Variants in VPS53 observed in about 807,000 individuals in gnomAD.
The protein encoded by VPS53 is vacuolar protein sorting-associated protein 53 homolog.
VPS53 carries 70 observed loss-of-function variants against 107.0 expected under a neutral mutation model. That is an observed-to-expected ratio of 0.65 (90% CI 0.54 to 0.80). The LOEUF (loss-of-function observed/expected upper bound fraction) is 0.80, where lower values mean the gene tolerates loss of function less well. Among genes scored for constraint, VPS53 ranks in the 30% least tolerant of loss-of-function variants. The pLI is 0.00. For missense variants in VPS53, 917 were observed against 1,049.4 expected (o/e 0.87, Z 1.74); for synonymous variants, 409 against 393.3 (o/e 1.04, Z -0.47).
chr17:602,492 C>A (rs1293421225), intron 11 of VPS53, among the ~76,000 whole-genome samples: 1 of 152,216 alleles, frequency 6.6e-6, no homozygotes, highest in Non-Finnish European at 1.5e-5. Flanking sequence ...ACAACAACCA[C>A]AACAGAAATC....
intron 2 of VPS53, among the ~76,000 whole-genome samples, chr17:703,864 G>A (rs1281528309): frequency 4.6e-5 from 7 of 150,812 alleles, no homozygotes; most frequent in African/African-American, 1.7e-4. Flanking sequence ...GCAGTGGCAC[G>A]ATCTCAGCTG....
rs1907932641 is a variant in VPS53 at position 511,401 on chromosome 17, G to T, written c.*7727C>A. On this transcript the variant is annotated 3_prime_UTR_variant, in exon 22 of 22. Transcript: ENST00000437048. ...CTTGTTGAAAAATTACCCAAAACAG[G>T]AGGCAAGACAATTGTGCAAATTCCA... is the stretch of plus-strand genomic sequence containing the variant. The T allele has an allele frequency of 6.6e-6, 1 of 152,158 alleles. No homozygotes were observed. Among genetic ancestry groups the T allele is most frequent in the Non-Finnish European group, 1.5e-5 (1 of 68,040 alleles). The allele number at this position is 152,158 out of a possible 1,614,324, so 9.4% of individuals were successfully genotyped here.
intron 4 of VPS53, among the ~76,000 whole-genome samples, chr17:688,371 G>GT (rs1555582826): frequency 2.6e-5 from 4 of 152,118 alleles, no homozygotes; most frequent in South Asian, 2.1e-4. Flanking sequence ...CACCATGATT[G>GT]TAAGTTTCCT....
chr17:628,073 T>C lies in VPS53; in HGVS notation c.831+15A>G, dbSNP rs746332711. 1.7e-5 allele frequency: 28 copies of C among 1,603,148 alleles called. No individual in the cohort carries two copies. The highest frequency in any genetic ancestry group is 1.7e-4 in the Middle Eastern group (1 of 5,830). On this transcript the variant is annotated intron_variant, in intron 9 of 21. Coordinates refer to ENST00000437048, the MANE Select transcript of VPS53 (RefSeq NM_001128159.3). Reference sequence around the variant, plus strand: ...ATTCAAATGTTACATCTGATCTTATTTGGTCAATACTCACATCTTGGTTTT... The same window carrying C: ...ATTCAAATGTTACATCTGATCTTATCTGGTCAATACTCACATCTTGGTTTT...
chr17:665,941 T>C (rs1023720267), intron 4 of VPS53, among the ~76,000 whole-genome samples: 4 of 151,882 alleles, frequency 2.6e-5, no homozygotes, highest in African/African-American at 7.3e-5. Flanking sequence ...GAGGCGGAGG[T>C]TGCAGTGAGC....
chr17:623,738 T>TC, intron 10 of VPS53, 64 bp from the exon 11 acceptor site: 1 of 1,506,152 alleles, frequency 6.6e-7, no homozygotes, highest in East Asian at 2.3e-5. Context: ...AGAGATAAGG[T>TC]AAATGGCCTT....
intron 4 of VPS53, among the ~76,000 whole-genome samples, chr17:685,627 G>A (rs1004452018): frequency 6.6e-5 from 10 of 152,042 alleles, no homozygotes; most frequent in African/African-American, 2.4e-4. Flanking sequence ...TTTCAACTTA[G>A]GATATTTTCA....
intron 4 of VPS53, among the ~76,000 whole-genome samples, chr17:688,903 G>A (rs1196825465): frequency 6.6e-6 from 1 of 152,210 alleles, no homozygotes; most frequent in Non-Finnish European, 1.5e-5. Context: ...GAAGTTTAGT[G>A]TTATTTGCAG....
In VPS53 at chr17:679,900, C is replaced by A. The variant is rs112826373; in HGVS notation, c.285+17518G>T. On this transcript the variant is annotated intron_variant, in intron 4 of 21. Transcript: ENST00000437048. ...TGGTGGCTCACACCTGTAATCCCAG[C>A]ACTTTGGGAGGCCGAGGCAGGTGGA... is the stretch of plus-strand genomic sequence containing the variant. 2.6e-5 allele frequency among the ~76,000 whole-genome samples: 4 copies of A among 152,320 alleles called. 1 individual carries two copies. The highest frequency in any genetic ancestry group is 9.6e-5 in the African/African-American group (4 of 41,560).
chr17:543,480 A>G (rs1910865238), intron 17 of VPS53, among the ~76,000 whole-genome samples: 1 of 151,990 alleles, frequency 6.6e-6, no homozygotes, highest in African/African-American at 2.4e-5. Flanking sequence ...TTGCTTCTGA[A>G]CAGAGACTTG....
intron 13 of VPS53, among the ~76,000 whole-genome samples, chr17:571,519 T>TCC (rs1248682172): frequency 2.7e-5 from 4 of 147,282 alleles, no homozygotes; most frequent in Non-Finnish European, 6.1e-5. Context: ...AGTCTCCCTC[T>TCC]CCCTCTCCCT....
intron 7 of VPS53, among the ~76,000 whole-genome samples, chr17:637,514 G>A (rs1238365382): frequency 2.6e-5 from 4 of 152,126 alleles, no homozygotes; most frequent in African/African-American, 9.7e-5. Flanking sequence ...TGATGTTAGG[G>A]TGTCAATTTT....
chr17:699,495 A>G lies in VPS53; in HGVS notation c.169-115T>C, dbSNP rs142009896. ...ATGAAATCTCAAAAAATTTAATCAC[A>G]TGATATGAGTTTTGCTTTAAAAAAA... On this transcript the variant is annotated intron_variant, in intron 2 of 21. Transcript: ENST00000437048. 2.9e-3 allele frequency: 2,265 copies of G among 791,582 alleles called. 8 individuals carry two copies. Among genetic ancestry groups the G allele is most frequent in the Non-Finnish European group, 3.0e-3 (1,613 of 543,998 alleles). 49.0% of individuals were successfully genotyped at this position (791,582 alleles called of 1,614,324 possible).
In VPS53 at chr17:560,423, C is replaced by T; in HGVS notation, c.1704+3G>A. ...TGGTGAGTGGGCAGCCAGGATGGCT[C>T]ACCTGCTGGGTGGTGGCCAGACAGT... is the stretch of plus-strand genomic sequence containing the variant. On this transcript the variant is annotated splice_donor_region_variant and intron_variant, in intron 15 of 21. Transcript: ENST00000437048. The T allele has an allele frequency of 6.2e-7, 1 of 1,608,990 alleles. No individual in the cohort carries two copies. Among genetic ancestry groups the T allele is most frequent in the Non-Finnish European group, 8.5e-7 (1 of 1,177,926 alleles).
intron 7 of VPS53, among the ~76,000 whole-genome samples, chr17:648,031 G>C (rs1228281808): frequency 6.6e-6 from 1 of 152,184 alleles, no homozygotes; most frequent in East Asian, 1.9e-4. Flanking sequence ...GAGAACTTCA[G>C]CAGTAGCCAG....
At chr17:670,973 G>A (rs1971911751) in intron 4 of VPS53, among the ~76,000 whole-genome samples, 1 of 152,166 alleles carries the variant, frequency 6.6e-6, no homozygotes, top group African/African-American at 2.4e-5. Context: ...GCTCACGCCT[G>A]TAATCCCAGC....
intron 18 of VPS53, among the ~76,000 whole-genome samples, chr17:534,092 G>A (rs983141394): frequency 2.0e-5 from 3 of 152,146 alleles, no homozygotes; most frequent in East Asian, 3.8e-4. Context: ...CTCTTGCCTC[G>A]GCCCCACAAA....
intron 2 of VPS53, among the ~76,000 whole-genome samples, chr17:705,024 A>T (rs1293685994): frequency 6.6e-6 from 1 of 152,218 alleles, no homozygotes; most frequent in East Asian, 1.9e-4. Context: ...TTATTTTAAA[A>T]ATCAGTATAT....
intron 6 of VPS53, 82 bp from the exon 7 acceptor site, chr17:653,492 TCAAA>T (rs1471687368): frequency 1.3e-6 from 2 of 1,589,894 alleles, no homozygotes; most frequent in Non-Finnish European, 1.7e-6. Flanking sequence ...ACGCTAGCTC[TCAAA>T]CAGATATCAA....
Sources: gnomAD v4.1 joint callset for allele counts (sites outside exome capture counted in the v4.1 genomes callset) on GRCh38, gnomAD v4.1.1 for gene constraint, MANE v1.5 for transcripts, NCBI Gene and HGNC (gene_info 2026-07-23, HGNC 2026-07-21) for gene names.